Variants in MICAL3 observed in about 807,000 individuals in gnomAD.
MICAL3 encodes the protein [F-actin]-monooxygenase MICAL3.
A neutral mutation model predicts 207.4 loss-of-function variants in MICAL3; 62 were observed. The observed-to-expected ratio is 0.30, with a 90% confidence interval of 0.24 to 0.37. The LOEUF (loss-of-function observed/expected upper bound fraction) is 0.37, where lower values mean the gene tolerates loss of function less well. Ranked by LOEUF, MICAL3 falls within the 10% of genes least tolerant of loss-of-function variation. MICAL3 has a pLI of 1.00. For missense variants in MICAL3, 2,368 were observed against 2,635.6 expected (o/e 0.90, Z 2.22); for synonymous variants, 1,077 against 1,069.3 (o/e 1.01, Z -0.14).
rs915818294 is a variant in MICAL3, at chr22:17,923,454, A to G, written c.-74-16568T>C. 3.9e-5 allele frequency among the ~76,000 whole-genome samples: 6 copies of G among 152,190 alleles called. No homozygotes were observed. The East Asian group carries it at 5.8e-4, about 15-fold the overall frequency. On this transcript the variant is annotated intron_variant, in intron 1 of 31. Coordinates refer to ENST00000441493, the MANE Select transcript of MICAL3 (RefSeq NM_015241.3). ...TTAATCTTTACTCAATTCAGCACCA[A>G]TAAGATTAGCCAGTGTAGAGCCAGA...
chr22:18,011,785 G>C (rs1045941565), intron 1 of MICAL3, among the ~76,000 whole-genome samples: 1 of 150,420 alleles, frequency 6.6e-6, no homozygotes, highest in Non-Finnish European at 1.5e-5. Context: ...CCAGCTACTT[G>C]GGAGGCTGAG....
intron 21 of MICAL3, among the ~76,000 whole-genome samples, chr22:17,829,947 G>A (rs1922622585): frequency 6.6e-6 from 1 of 152,196 alleles, no homozygotes. Flanking sequence ...TGTGTGCAGA[G>A]CCCGTCAGCA....
At chr22:17,995,491 ATTTT>A (rs138357470) in intron 1 of MICAL3, among the ~76,000 whole-genome samples, 16,867 of 77,006 alleles carry the variant, frequency 0.22, 1,466 homozygotes, top group East Asian at 0.43. Context: ...CTTTTCTTTA[ATTTT>A]TTTTTTTTTT....
At chr22:17,884,204 G>T (rs1167054032) in intron 16 of MICAL3, 1 of 1,045,322 alleles carries the variant, frequency 9.6e-7, no homozygotes, top group Non-Finnish European at 1.4e-6. Context: ...CCTGAACCCT[G>T]GCTGGCTCAG....
At chr22:17,980,966 T>C (rs141696943) in intron 1 of MICAL3, 1 of 516,222 alleles carries the variant, frequency 1.9e-6, no homozygotes, top group Non-Finnish European at 4.0e-6. Flanking sequence ...TGTGATCATC[T>C]GTCTATTGGT....
At chr22:17,945,315 T>C (rs1275354322) in intron 1 of MICAL3, among the ~76,000 whole-genome samples, 1 of 152,178 alleles carries the variant, frequency 6.6e-6, no homozygotes, top group Non-Finnish European at 1.5e-5. Context: ...CGTCCACTAA[T>C]GCACATGAAA....
At chr22:17,955,475 G>C (rs1400044428) in intron 1 of MICAL3, among the ~76,000 whole-genome samples, 1 of 152,224 alleles carries the variant, frequency 6.6e-6, no homozygotes, top group Non-Finnish European at 1.5e-5. Context: ...AGTAGGCTGA[G>C]GAATGGGCCG....
At chr22:18,016,298 C>A (rs1924050821) in intron 1 of MICAL3, among the ~76,000 whole-genome samples, 1 of 152,190 alleles carries the variant, frequency 6.6e-6, no homozygotes, top group Non-Finnish European at 1.5e-5. Context: ...TTGTTCATTG[C>A]ATTGCCTCAT....
At chr22:17,996,379 G>A (rs1922279701) in intron 1 of MICAL3, among the ~76,000 whole-genome samples, 1 of 151,596 alleles carries the variant, frequency 6.6e-6, no homozygotes, top group African/African-American at 2.4e-5. Flanking sequence ...GGGAGGCGGA[G>A]CTTGCAGTGA....
chr22:17,876,946 TGGAGGTTATGGAGGTTAG>T (rs1928573416), intron 16 of MICAL3: 1 of 2,584 alleles, frequency 3.9e-4, no homozygotes, highest in African/African-American at 1.5e-3. Flanking sequence ...AGGGAGGTTA[TGGAGGTTATGGAGGTTAG>T]GGAGGTTATG....
At chr22:17,883,430 T>C (rs1033465488) in intron 16 of MICAL3, among the ~76,000 whole-genome samples, 1 of 152,104 alleles carries the variant, frequency 6.6e-6, no homozygotes, top group Non-Finnish European at 1.5e-5. Context: ...AACAATAAAC[T>C]CACTTTACAG....
Position 17,817,362 on chromosome 22 carries a change from C to T in MICAL3, c.5299G>A (p.Gly1767Arg), listed in dbSNP as rs1465300734. 1.4e-5 allele frequency: 23 copies of T among 1,611,220 alleles called. No homozygotes were observed. The highest frequency in any genetic ancestry group is 8.8e-5 in the South Asian group (8 of 90,780). Reference sequence around the variant, plus strand: ...TGCTTTCCAGAGTCCACCGTGGCCCCGCTGGAGGGGGTGCTGGGGCAGGAC... The same window carrying T: ...TGCTTTCCAGAGTCCACCGTGGCCCTGCTGGAGGGGGTGCTGGGGCAGGAC... The part of the protein sequence containing the change: ...DKSCPSTPSS[G>R]ATVDSGKHRV... The change falls in exon 26 of 32, where the codon GGG becomes AGG. Residue 1767 changes from glycine to arginine, a missense_variant. Gly to Arg is a moderately radical substitution (Grantham distance 125, BLOSUM62 -2). Coordinates refer to ENST00000441493, the MANE Select transcript of MICAL3 (RefSeq NM_015241.3).
rs372932483 is a variant in MICAL3, at chr22:17,801,305, A to C, written c.5650+7539T>G. The stretch of plus-strand genomic sequence containing the variant: ...GTAGCCGGGACTACAGGCGCCCGCC[A>C]CTACGCCCGGCTAATTTTTTTGTAT... On this transcript the variant is annotated intron_variant, in intron 29 of 31. Transcript: ENST00000441493. Among the ~76,000 whole-genome samples, 9 of 104,474 alleles carry C rather than the reference A, an allele frequency of 8.6e-5. 1 individual carries two copies. The East Asian group carries it at 2.4e-3, about 28-fold the overall frequency. The allele number at this position is 104,474 out of a possible 152,430, so 68.5% of individuals were successfully genotyped here. A position where few individuals can be genotyped will look rare whatever the true frequency, so the allele number is the denominator to read the frequency against.
intron 17 of MICAL3, among the ~76,000 whole-genome samples, chr22:17,868,830 C>T (rs909506647): frequency 4.6e-5 from 7 of 151,900 alleles, no homozygotes; most frequent in Admixed American, 4.6e-4. Flanking sequence ...CGAGAGCCCC[C>T]AGGCAAGCAG....
chr22:17,886,342 G>C (rs769703975), intron 15 of MICAL3, among the ~76,000 whole-genome samples: 33 of 152,340 alleles, frequency 2.2e-4, no homozygotes, highest in Non-Finnish European at 4.0e-4. Context: ...GGTGTGCTCT[G>C]GAAAATTAAA....
At chr22:18,002,515 C>T (rs1923106461) in intron 1 of MICAL3, among the ~76,000 whole-genome samples, 1 of 151,986 alleles carries the variant, frequency 6.6e-6, no homozygotes, top group African/African-American at 2.4e-5. Flanking sequence ...CGTCTGTAAT[C>T]TCAGCTACTT....
At chr22:17,996,134 TAAAAAA>T (rs35369164) in intron 1 of MICAL3, among the ~76,000 whole-genome samples, 4 of 93,618 alleles carry the variant, frequency 4.3e-5, no homozygotes, top group South Asian at 3.6e-4. Flanking sequence ...TGTCTCAATT[TAAAAAA>T]AAAAAAAAAA....
At chr22:17,935,076 T>A (rs1933450280) in intron 1 of MICAL3, among the ~76,000 whole-genome samples, 3 of 152,096 alleles carry the variant, frequency 2.0e-5, no homozygotes, top group Admixed American at 2.0e-4. Flanking sequence ...TGGAAAAAAC[T>A]ACTTTAAAGT....
chr22:17,874,351 C>G (rs540130096), intron 16 of MICAL3, among the ~76,000 whole-genome samples: 1 of 152,234 alleles, frequency 6.6e-6, no homozygotes, highest in East Asian at 1.9e-4. Context: ...AACTTAACAG[C>G]TGACACTGAG....
Sources: allele counts gnomAD v4.1 joint callset (sites outside exome capture counted in the v4.1 genomes callset), GRCh38; gene constraint gnomAD v4.1.1; transcripts MANE v1.5; gene names NCBI Gene and HGNC (gene_info 2026-07-23, HGNC 2026-07-21).